UBXN2B: variants seen among roughly 807,000 people sequenced by gnomAD.
UBXN2B encodes the protein UBX domain protein 2B, also known as UBX domain-containing protein 2B.
Under a neutral mutation model 37.5 loss-of-function variants are expected in UBXN2B, and 19 were observed. The ratio of observed to expected loss-of-function variants is 0.51; its 90% CI spans 0.35 to 0.74. The LOEUF (loss-of-function observed/expected upper bound fraction) is 0.74, where lower values mean the gene tolerates loss of function less well. Among genes scored for constraint, UBXN2B ranks in the 30% least tolerant of loss-of-function variants. The pLI, the probability that UBXN2B is intolerant of heterozygous loss-of-function variation, is 0.01. For synonymous variants in UBXN2B, 145 were observed against 143.8 expected (o/e 1.01, Z -0.06); for missense variants, 370 against 393.2 (o/e 0.94, Z 0.50).
intron 5 of UBXN2B, chr8:58,435,036 C>T: frequency 6.8e-7 from 1 of 1,471,148 alleles, no homozygotes; most frequent in African/African-American, 1.4e-5. Flanking sequence ...ACCAGCTCTT[C>T]TTGCTAAAGG....
At chr8:58,423,503 T>C (rs1180530347) in intron 2 of UBXN2B, among the ~76,000 whole-genome samples, 2 of 151,480 alleles carry the variant, frequency 1.3e-5, no homozygotes, top group Non-Finnish European at 2.9e-5. Context: ...TGGCGAGGTC[T>C]CAGCTCACTG....
chr8:58,441,733 A>G (rs1808555950), intron 6 of UBXN2B, among the ~76,000 whole-genome samples: 1 of 152,200 alleles, frequency 6.6e-6, no homozygotes, highest in Non-Finnish European at 1.5e-5. Flanking sequence ...CTTATAAGGC[A>G]AATAGAGAAA....
Position 58,416,855 on chromosome 8 carries a change from C to G in UBXN2B, c.90C>G (p.Ala30=), listed in dbSNP as rs1270728351. The change falls in exon 2 of 8, where the codon GCC becomes GCG. Residue 30 remains alanine (A), a synonymous_variant. Coordinates refer to ENST00000399598, the MANE Select transcript of UBXN2B (RefSeq NM_001077619.2). ...RPPSARDLQL[A]LAELYEDEVK... ...ACAAGCCTGTTATTATGTAGTTGGC[C>G]TTGGCAGAATTGTATGAAGATGAAG... 16 of 1,610,934 alleles carry G rather than the reference C, an allele frequency of 9.9e-6. No homozygotes were observed. Among genetic ancestry groups the G allele is most frequent in the Non-Finnish European group, 1.4e-5 (16 of 1,178,058 alleles).
intron 3 of UBXN2B, among the ~76,000 whole-genome samples, chr8:58,431,574 G>A (rs1193432184): frequency 1.3e-5 from 2 of 152,148 alleles, no homozygotes; most frequent in African/African-American, 4.8e-5. Flanking sequence ...ATTTCTCTGA[G>A]ATAAATGCTC....
chr8:58,423,391 G>A (rs1342338363), intron 2 of UBXN2B, among the ~76,000 whole-genome samples: 1 of 151,692 alleles, frequency 6.6e-6, no homozygotes, highest in East Asian at 1.9e-4. Flanking sequence ...GCCCAGCTGA[G>A]CCCAACTCAA....
chr8:58,433,633 G>A (rs919081776), intron 4 of UBXN2B, among the ~76,000 whole-genome samples: 64 of 147,776 alleles, frequency 4.3e-4, no homozygotes, highest in African/African-American at 1.4e-3. Flanking sequence ...AAAAAAAAAG[G>A]TGTTTAAAAA....
chr8:58,438,209 G>C (rs1280244247), intron 5 of UBXN2B, among the ~76,000 whole-genome samples: 1 of 152,224 alleles, frequency 6.6e-6, no homozygotes, highest in Non-Finnish European at 1.5e-5. Flanking sequence ...ATGCACAAGT[G>C]AAAGAGGCAT....
At chr8:58,413,130 C>G (rs892941338) in intron 1 of UBXN2B, among the ~76,000 whole-genome samples, 1 of 152,094 alleles carries the variant, frequency 6.6e-6, no homozygotes, top group Non-Finnish European at 1.5e-5. Flanking sequence ...GTAGATGTTG[C>G]TAATTGTGAG....
chr8:58,432,235 A>G (rs1242214387), intron 3 of UBXN2B, among the ~76,000 whole-genome samples: 2 of 151,898 alleles, frequency 1.3e-5, no homozygotes, highest in African/African-American at 2.4e-5. Context: ...TAAAGCTATG[A>G]TCTATTTGAA....
chr8:58,443,129 A>G (rs1425735586), intron 6 of UBXN2B, among the ~76,000 whole-genome samples: 1 of 151,352 alleles, frequency 6.6e-6, no homozygotes. Flanking sequence ...GCTTTCCTAA[A>G]CCCCCTCCTC....
intron 6 of UBXN2B, among the ~76,000 whole-genome samples, chr8:58,443,613 C>T (rs973741687): frequency 1.2e-4 from 17 of 141,908 alleles, no homozygotes; most frequent in African/African-American, 3.7e-4. Flanking sequence ...GCCAACATGG[C>T]GAAACCCCAT....
At chr8:58,423,299 A>G (rs1453238480) in intron 2 of UBXN2B, among the ~76,000 whole-genome samples, 1 of 152,214 alleles carries the variant, frequency 6.6e-6, no homozygotes, top group Non-Finnish European at 1.5e-5. Flanking sequence ...GACTGCAGGC[A>G]GAAAGAGAAG....
At chr8:58,439,919 TATATC>T (rs1191831681) in intron 6 of UBXN2B, 149 bp downstream of exon 6, 20 of 629,670 alleles carry the variant, frequency 3.2e-5, no homozygotes, top group African/African-American at 2.6e-4. Flanking sequence ...ATCATAATAT[TATATC>T]ATGTGATACC....
chr8:58,439,121 C>G (rs1808485708), intron 5 of UBXN2B, among the ~76,000 whole-genome samples: 1 of 152,190 alleles, frequency 6.6e-6, no homozygotes, highest in African/African-American at 2.4e-5. Context: ...GAAGCAGATT[C>G]TGGTGCCTTG....
chr8:58,425,345 G>T (rs769787157), intron 2 of UBXN2B: 11 of 1,149,158 alleles, frequency 9.6e-6, no homozygotes, highest in Middle Eastern at 2.0e-4. Flanking sequence ...AATACCATCC[G>T]CCAAAAGTCG....
rs912567884 is a variant in UBXN2B at position 58,418,785 on chromosome 8, T to A, written c.188+1832T>A. Among the ~76,000 whole-genome samples the A allele has an allele frequency of 2.6e-5, 4 of 152,200 alleles. No individual in the cohort carries two copies. The East Asian group carries it at 5.8e-4, about 22-fold the overall frequency. ...CATTTAATTCTTACCTTTATACATATAAAATACTGTATTTTTAGCTGCTTC... is the reference window on the plus strand; with the variant it reads ...CATTTAATTCTTACCTTTATACATAAAAAATACTGTATTTTTAGCTGCTTC... On this transcript the variant is annotated intron_variant, in intron 2 of 7. Coordinates refer to ENST00000399598, the MANE Select transcript of UBXN2B (RefSeq NM_001077619.2).
intron 2 of UBXN2B, among the ~76,000 whole-genome samples, chr8:58,422,508 G>C (rs543923397): frequency 2.0e-4 from 30 of 152,210 alleles, no homozygotes; most frequent in African/African-American, 7.2e-4. Context: ...CATATAAGGC[G>C]AAGAGGGATG....
chr8:58,432,617 C>T (rs1056026984), intron 3 of UBXN2B, among the ~76,000 whole-genome samples: 1 of 152,018 alleles, frequency 6.6e-6, no homozygotes, highest in Non-Finnish European at 1.5e-5. Flanking sequence ...CTCCTGACCT[C>T]GTGATCCGCC....
chr8:58,444,800 T>C (rs2129604656), intron 6 of UBXN2B, among the ~76,000 whole-genome samples: 1 of 152,310 alleles, frequency 6.6e-6, no homozygotes, highest in Non-Finnish European at 1.5e-5. Context: ...TCAAATCAGT[T>C]CTAAAATTAG....
Sources: allele counts gnomAD v4.1 joint callset (sites outside exome capture counted in the v4.1 genomes callset), GRCh38; gene constraint gnomAD v4.1.1; transcripts MANE v1.5; gene names NCBI Gene and HGNC (gene_info 2026-07-23, HGNC 2026-07-21).